CALN1: variants seen among roughly 807,000 people sequenced by gnomAD.
CALN1 encodes the protein calcium-binding protein 8.
Under a neutral mutation model 30.6 loss-of-function variants are expected in CALN1, and 17 were observed. The ratio of observed to expected loss-of-function variants is 0.56; its 90% CI spans 0.38 to 0.83. The LOEUF is 0.83. CALN1 is among the 40% of genes least tolerant of loss of function. The pLI, the probability that CALN1 is intolerant of heterozygous loss-of-function variation, is 0.00. For missense variants in CALN1, 291 were observed against 354.9 expected, an observed-to-expected ratio of 0.82 and a Z score of 1.45; for synonymous variants, 156 against 131.4, an observed-to-expected ratio of 1.19 and a Z score of -1.28.
chr7:72,314,658 G>A (rs1268844620), intron 2 of CALN1, among the ~76,000 whole-genome samples: 1 of 151,436 alleles, frequency 6.6e-6, no homozygotes, highest in Non-Finnish European at 1.5e-5. Context: ...CCGGTGATCT[G>A]CCCGCCTTGT....
At chr7:71,849,450 T>TTC (rs1166312488) in intron 5 of CALN1, among the ~76,000 whole-genome samples, 1 of 151,846 alleles carries the variant, frequency 6.6e-6, no homozygotes, top group East Asian at 1.9e-4. Flanking sequence ...TTTTTTTTTT[T>TTC]TGCCACATGT....
At chr7:71,790,343 AAAG>A (rs1426170653) in intron 6 of CALN1, among the ~76,000 whole-genome samples, 1 of 118,380 alleles carries the variant, frequency 8.4e-6, no homozygotes, top group Non-Finnish European at 1.8e-5. Flanking sequence ...AGAAAGAAAG[AAAG>A]AAAAGAAAGA....
At chr7:72,134,529 T>A (rs1380461472) in intron 3 of CALN1, among the ~76,000 whole-genome samples, 2 of 152,344 alleles carry the variant, frequency 1.3e-5, no homozygotes, top group Admixed American at 1.3e-4. Context: ...TAAATTTACA[T>A]TATACTTTTG....
chr7:72,187,128 T>C (rs917568119), intron 3 of CALN1, among the ~76,000 whole-genome samples: 2 of 152,142 alleles, frequency 1.3e-5, no homozygotes, highest in Non-Finnish European at 2.9e-5. Context: ...ATCATTATTA[T>C]TATTGTAACC....
At chr7:72,444,014 A>G (rs2129564514) in intron 1 of CALN1, among the ~76,000 whole-genome samples, 1 of 149,634 alleles carries the variant, frequency 6.7e-6, no homozygotes, top group South Asian at 2.2e-4. Context: ...CAAAAACTAA[A>G]TTAATTAATT....
chr7:72,421,917 A>G (rs920981456), intron 1 of CALN1, among the ~76,000 whole-genome samples: 7 of 152,126 alleles, frequency 4.6e-5, no homozygotes, highest in African/African-American at 1.7e-4. Flanking sequence ...ACTTAGGATA[A>G]TGGCCTCCAG....
intron 2 of CALN1, among the ~76,000 whole-genome samples, chr7:72,326,709 G>T (rs772967408): frequency 6.6e-6 from 1 of 152,084 alleles, no homozygotes; most frequent in South Asian, 2.1e-4. Flanking sequence ...AAACCCTCTC[G>T]GTTTTCATGA....
In CALN1 at chr7:71,918,312, C is replaced by T. The variant is rs148424061; in HGVS notation, c.501+105345G>A. Among the ~76,000 whole-genome samples, 17 of 152,302 alleles carry T rather than the reference C, an allele frequency of 1.1e-4. No individual in the cohort carries two copies. In the East Asian group the frequency reaches 3.1e-3, roughly 28 times the overall value. On this transcript the variant is annotated intron_variant, in intron 5 of 6. Coordinates refer to ENST00000395275, the MANE Select transcript of CALN1 (RefSeq NM_031468.4). ...GAAGAGTCGTGAGGCAGGTTACTGACAAAATTGCTTCCTTTGAAACAATGC... is the reference window on the plus strand; with the variant it reads ...GAAGAGTCGTGAGGCAGGTTACTGATAAAATTGCTTCCTTTGAAACAATGC...
chr7:72,037,543 T>C (rs1053398614), intron 4 of CALN1, among the ~76,000 whole-genome samples: 2 of 152,244 alleles, frequency 1.3e-5, no homozygotes, highest in African/African-American at 4.8e-5. Context: ...TTCAGTTGTT[T>C]GTATCCAGCC....
intron 5 of CALN1, among the ~76,000 whole-genome samples, chr7:71,910,345 C>A (rs1426404939): frequency 1.3e-5 from 2 of 152,162 alleles, no homozygotes; most frequent in African/African-American, 2.4e-5. Flanking sequence ...GTTTCATTAG[C>A]CAAATCAAGC....
intron 1 of CALN1, among the ~76,000 whole-genome samples, chr7:72,422,894 T>C (rs1314428101): frequency 6.6e-6 from 1 of 152,174 alleles, no homozygotes; most frequent in Admixed American, 6.6e-5. Flanking sequence ...TTTGGGAGGC[T>C]GAGGCAGGCA....
At chr7:71,797,897 C>A (rs1265025686) in intron 6 of CALN1, among the ~76,000 whole-genome samples, 1 of 152,078 alleles carries the variant, frequency 6.6e-6, no homozygotes, top group East Asian at 1.9e-4. Context: ...CAGTAGGCAC[C>A]TGAGTTAATC....
In CALN1 at chr7:71,925,557, A is replaced by G. The variant is rs527254841; in HGVS notation, c.501+98100T>C. Among the ~76,000 whole-genome samples, 125 of 150,226 alleles carry G rather than the reference A, an allele frequency of 8.3e-4. No individual in the cohort carries two copies. In the Middle Eastern group the frequency reaches 0.01, roughly 12 times the overall value. ...TTATTTGTCTTTAGTTTTAAAAAAT[A>G]TTTTCCTTTAATTTTAAAAATAATT... is the stretch of plus-strand genomic sequence containing the variant. On this transcript the variant is annotated intron_variant, in intron 5 of 6. Transcript: ENST00000395275.
chr7:72,280,607 C>CT (rs1797668769), intron 2 of CALN1, among the ~76,000 whole-genome samples: 1 of 152,188 alleles, frequency 6.6e-6, no homozygotes, highest in South Asian at 2.1e-4. Context: ...TAGGACTACT[C>CT]TATCTTTTCC....
intron 4 of CALN1, among the ~76,000 whole-genome samples, chr7:72,087,991 C>T (rs1189820523): frequency 6.6e-6 from 1 of 151,994 alleles, no homozygotes; most frequent in Non-Finnish European, 1.5e-5. Context: ...AGTAAGACCC[C>T]GCCTCTACCA....
chr7:72,460,792 A>G, the CALN1 span, among the ~76,000 whole-genome samples: 2 of 151,976 alleles, frequency 1.3e-5, no homozygotes, highest in African/African-American at 4.8e-5. Flanking sequence ...TCTCTGACCT[A>G]CTGTGGTCAG....
intron 2 of CALN1, 73 bp downstream of exon 2, chr7:72,403,178 G>T (rs555671862): frequency 1.7e-6 from 2 of 1,202,016 alleles, no homozygotes; most frequent in South Asian, 1.4e-5. Context: ...AAAGCCTCCT[G>T]GACCCCGCGC....
chr7:72,259,419 C>T (rs542318717), intron 3 of CALN1, among the ~76,000 whole-genome samples: 27 of 152,128 alleles, frequency 1.8e-4, no homozygotes, highest in Non-Finnish European at 2.8e-4. Context: ...CTGGTCTCAG[C>T]GGTTGTCACC....
the CALN1 span, among the ~76,000 whole-genome samples, chr7:72,479,698 C>T: frequency 2.0e-5 from 3 of 152,010 alleles, no homozygotes; most frequent in Non-Finnish European, 4.4e-5. Flanking sequence ...ACTACAGGCA[C>T]AGGCCACCAT....
Sources: gnomAD v4.1 joint callset for allele counts (sites outside exome capture counted in the v4.1 genomes callset) on GRCh38, gnomAD v4.1.1 for gene constraint, MANE v1.5 for transcripts, NCBI Gene and HGNC (gene_info 2026-07-23, HGNC 2026-07-21) for gene names.